The following CPNE4 variants were observed in gnomAD, a reference collection of about 807,000 sequenced individuals.
CPNE4 encodes the protein copine-4.
CPNE4 carries 25 observed loss-of-function variants against 67.9 expected under a neutral mutation model. That is an observed-to-expected ratio of 0.37 (90% confidence interval 0.27 to 0.51). The LOEUF (loss-of-function observed/expected upper bound fraction) is 0.51. CPNE4 is among the 20% of genes least tolerant of loss of function. CPNE4 has a pLI of 0.93. For synonymous variants in CPNE4, 242 were observed against 244.9 expected (o/e 0.99, Z 0.11); for missense variants, 464 against 690.8 (o/e 0.67, Z 3.68).
chr3:131,758,191 G>T (rs889312659), intron 2 of CPNE4, among the ~76,000 whole-genome samples: 7 of 152,138 alleles, frequency 4.6e-5, no homozygotes, highest in African/African-American at 1.2e-4. Flanking sequence ...CATCTGTCTG[G>T]AAAAGCTGCA....
intron 1 of CPNE4, among the ~76,000 whole-genome samples, chr3:132,016,856 T>C (rs1451388850): frequency 6.6e-6 from 1 of 152,226 alleles, no homozygotes; most frequent in Non-Finnish European, 1.5e-5. Context: ...GGTGACATCA[T>C]GTAACTATAA....
chr3:131,786,296 G>A (rs1247421190), intron 2 of CPNE4, among the ~76,000 whole-genome samples: 1 of 152,050 alleles, frequency 6.6e-6, no homozygotes, highest in Non-Finnish European at 1.5e-5. Flanking sequence ...GGAAGACAGA[G>A]TTCTTTATAT....
At chr3:131,664,093 T>C (rs1177580369) in intron 7 of CPNE4, among the ~76,000 whole-genome samples, 1 of 152,146 alleles carries the variant, frequency 6.6e-6, no homozygotes, top group Non-Finnish European at 1.5e-5. Context: ...CTTGTGTGGT[T>C]TGGAAATTAG....
At chr3:131,678,606 T>C (rs1224700291) in intron 6 of CPNE4, among the ~76,000 whole-genome samples, 2 of 152,180 alleles carry the variant, frequency 1.3e-5, no homozygotes, top group Admixed American at 1.3e-4. Context: ...TTGAGGTATG[T>C]TCCTTCAATA....
At chr3:131,638,178 G>A (rs571276545) in intron 7 of CPNE4, among the ~76,000 whole-genome samples, 75 of 152,002 alleles carry the variant, frequency 4.9e-4, no homozygotes, top group African/African-American at 1.8e-3. Flanking sequence ...GAATAGAATA[G>A]TACCTCACAT....
chr3:131,776,380 T>C (rs1173496693), intron 2 of CPNE4, among the ~76,000 whole-genome samples: 2 of 152,132 alleles, frequency 1.3e-5, no homozygotes, highest in Non-Finnish European at 2.9e-5. Flanking sequence ...GTCCAGGACC[T>C]ATATTCCTTT....
intron 13 of CPNE4, among the ~76,000 whole-genome samples, chr3:131,552,149 TTTA>T (rs149887152): frequency 4.6e-5 from 7 of 150,690 alleles, no homozygotes; most frequent in African/African-American, 2.4e-5. Context: ...TGAAGTTTCA[TTTA>T]TTATTATTAT....
chr3:131,626,669 C>T (rs1473111429), intron 7 of CPNE4, among the ~76,000 whole-genome samples: 1 of 152,176 alleles, frequency 6.6e-6, no homozygotes, highest in Non-Finnish European at 1.5e-5. Context: ...AAGCATGTAA[C>T]CCAGAAGATC....
intron 1 of CPNE4, among the ~76,000 whole-genome samples, chr3:132,016,205 C>G (rs1400184336): frequency 6.6e-6 from 1 of 152,200 alleles, no homozygotes; most frequent in Non-Finnish European, 1.5e-5. Context: ...TACTAGACCA[C>G]TTAACCTAGG....
Position 132,027,101 on chromosome 3 carries a change from T to C in CPNE4, c.-2+7466A>G, listed in dbSNP as rs1302898540. ...CTTATTTCATTCAGTCAACCAAAAG[T>C]TTTTGAGCAACTACTAGGTACCTAG... is the stretch of plus-strand genomic sequence containing the variant. On this transcript the variant is annotated intron_variant, in intron 1 of 15. Coordinates refer to ENST00000429747, the MANE Select transcript of CPNE4 (RefSeq NM_130808.3). Among the ~76,000 whole-genome samples, 15 of 152,270 alleles carry C rather than the reference T, an allele frequency of 9.9e-5. No individual in the cohort carries two copies. In the East Asian group the frequency reaches 2.7e-3, roughly 27 times the overall value.
At chr3:132,011,546 GA>G (rs1363314561) in intron 1 of CPNE4, among the ~76,000 whole-genome samples, 1 of 152,218 alleles carries the variant, frequency 6.6e-6, no homozygotes, top group African/African-American at 2.4e-5. Flanking sequence ...AGTAGCTGGA[GA>G]AGGGGAAACC....
intron 2 of CPNE4, among the ~76,000 whole-genome samples, chr3:131,871,235 A>G (rs574696254): frequency 3.9e-5 from 6 of 152,314 alleles, no homozygotes; most frequent in African/African-American, 1.4e-4. Context: ...AATTCCATCA[A>G]CTGAAGATGG....
At chr3:131,994,938 TG>T (rs1211451503) in intron 1 of CPNE4, among the ~76,000 whole-genome samples, 1 of 152,194 alleles carries the variant, frequency 6.6e-6, no homozygotes, top group Non-Finnish European at 1.5e-5. Flanking sequence ...AAAAATGTAT[TG>T]CTCTCTTTCC....
At chr3:131,975,767 C>T (rs1303322817) in intron 1 of CPNE4, among the ~76,000 whole-genome samples, 16 of 152,134 alleles carry the variant, frequency 1.1e-4, no homozygotes, top group Non-Finnish European at 2.4e-4. Flanking sequence ...GTATTCGAAT[C>T]ATAAACATAT....
chr3:131,817,681 G>T (rs925293003), intron 2 of CPNE4, among the ~76,000 whole-genome samples: 1 of 152,178 alleles, frequency 6.6e-6, no homozygotes, highest in Non-Finnish European at 1.5e-5. Context: ...ATTGAAAAGT[G>T]CAGGCCAGAA....
intron 2 of CPNE4, among the ~76,000 whole-genome samples, chr3:131,820,758 G>C (rs1016363786): frequency 3.9e-5 from 6 of 152,094 alleles, no homozygotes; most frequent in Admixed American, 1.3e-4. Context: ...AAATTTCTCA[G>C]TATTTCTATG....
At chr3:131,602,689 G>GAGAC (rs1471898491) in intron 7 of CPNE4, among the ~76,000 whole-genome samples, 1 of 152,142 alleles carries the variant, frequency 6.6e-6, no homozygotes, top group Non-Finnish European at 1.5e-5. Flanking sequence ...ACAGAGTAAA[G>GAGAC]AGACAGGCTT....
chr3:131,704,251 T>C (rs2081368799), intron 3 of CPNE4, among the ~76,000 whole-genome samples: 1 of 152,178 alleles, frequency 6.6e-6, no homozygotes, highest in Non-Finnish European at 1.5e-5. Flanking sequence ...AATTCAGGCA[T>C]CTCTTTGCCT....
intron 2 of CPNE4, among the ~76,000 whole-genome samples, chr3:131,758,573 T>G (rs1183221697): frequency 6.6e-6 from 1 of 152,154 alleles, no homozygotes; most frequent in Non-Finnish European, 1.5e-5. Flanking sequence ...TTTGGGTTAA[T>G]GCTGAAATGA....
Sources: allele counts gnomAD v4.1 joint callset (sites outside exome capture counted in the v4.1 genomes callset), GRCh38; gene constraint gnomAD v4.1.1; transcripts MANE v1.5; gene names NCBI Gene and HGNC (gene_info 2026-07-23, HGNC 2026-07-21).